Variants in CADM1 observed in about 807,000 individuals in gnomAD.
CADM1 encodes the protein TSLC-1.
A neutral mutation model predicts 53.1 loss-of-function variants in CADM1; 15 were observed. That is an observed-to-expected ratio of 0.28 (90% CI 0.19 to 0.44). CADM1 has a LOEUF of 0.44. Among genes scored for constraint, CADM1 ranks in the 20% least tolerant of loss-of-function variants. CADM1 has a pLI of 1.00. For synonymous variants in CADM1, 281 were observed against 243.0 expected, an observed-to-expected ratio of 1.16 and a Z score of -1.45; for missense variants, 434 against 611.3, an observed-to-expected ratio of 0.71 and a Z score of 3.06.
At chr11:115,389,460 A>G (rs1296823564) in intron 1 of CADM1, among the ~76,000 whole-genome samples, 1 of 152,220 alleles carries the variant, frequency 6.6e-6, no homozygotes, top group Admixed American at 6.5e-5. Context: ...TTGTTTATAA[A>G]AGCAAGCAAC....
chr11:115,362,293 C>T (rs184718037), intron 1 of CADM1, among the ~76,000 whole-genome samples: 1 of 152,174 alleles, frequency 6.6e-6, no homozygotes, highest in Non-Finnish European at 1.5e-5. Context: ...ATTTCCTTTG[C>T]CCTATCTTAT....
At chr11:115,327,074 ATAC>A (rs990092873) in intron 1 of CADM1, among the ~76,000 whole-genome samples, 1 of 152,160 alleles carries the variant, frequency 6.6e-6, no homozygotes, top group African/African-American at 2.4e-5. Context: ...AAAAACATAC[ATAC>A]TATTTTTATA....
At chr11:115,455,905 G>C (rs1449547088) in intron 1 of CADM1, among the ~76,000 whole-genome samples, 1 of 152,182 alleles carries the variant, frequency 6.6e-6, no homozygotes, top group Non-Finnish European at 1.5e-5. Flanking sequence ...GGATCCAGAA[G>C]CAACTCCAGG....
intron 1 of CADM1, among the ~76,000 whole-genome samples, chr11:115,437,132 G>A (rs1948201476): frequency 6.6e-6 from 1 of 152,126 alleles, no homozygotes; most frequent in African/African-American, 2.4e-5. Flanking sequence ...GAACTTACAT[G>A]CTTGGATGAA....
Position 115,229,017 on chromosome 11 carries a change from T to G in CADM1, c.721+96A>C. ...CTAGCAAAAATAAGAATTCTATGTA[T>G]ACTATATAAAATGAATGCATTGAAT... On this transcript the variant is annotated intron_variant, in intron 5 of 11. Coordinates refer to ENST00000331581, the MANE Select transcript of CADM1 (RefSeq NM_001301043.2). 3.6e-6 allele frequency: 4 copies of G among 1,098,440 alleles called. No individual in the cohort carries two copies. In the South Asian group the frequency reaches 5.1e-5, roughly 14 times the overall value. The allele number at this position is 1,098,440 out of a possible 1,614,324, so 68.0% of individuals were successfully genotyped here. A position where few individuals can be genotyped will look rare whatever the true frequency, so the allele number is the denominator to read the frequency against.
intron 1 of CADM1, among the ~76,000 whole-genome samples, chr11:115,369,026 T>TAAAAAAAAAAAAAAAAAAAAAC (rs1946244763): frequency 2.2e-5 from 1 of 44,748 alleles, no homozygotes; most frequent in Non-Finnish European, 4.1e-5. Flanking sequence ...AAAAAAAATC[T>TAAAAAAAAAAAAAAAAAAAAAC]AAAAAAAAAA....
chr11:115,459,104 G>A (rs1948741429), intron 1 of CADM1, among the ~76,000 whole-genome samples: 1 of 152,148 alleles, frequency 6.6e-6, no homozygotes, highest in Non-Finnish European at 1.5e-5. Flanking sequence ...AGAGTACACT[G>A]TGCCAATTAA....
At chr11:115,366,758 G>A (rs963527651) in intron 1 of CADM1, among the ~76,000 whole-genome samples, 7 of 151,850 alleles carry the variant, frequency 4.6e-5, no homozygotes, top group African/African-American at 1.7e-4. Flanking sequence ...GTAACACAGA[G>A]GAAACTGGAA....
chr11:115,342,729 T>A (rs866605085), intron 1 of CADM1, among the ~76,000 whole-genome samples: 2 of 152,154 alleles, frequency 1.3e-5, no homozygotes, highest in Non-Finnish European at 2.9e-5. Flanking sequence ...TTCAAAGATA[T>A]ATCTCACATT....
intron 1 of CADM1, among the ~76,000 whole-genome samples, chr11:115,374,782 A>T (rs1946397583): frequency 5.3e-5 from 8 of 152,208 alleles, no homozygotes; most frequent in Admixed American, 5.2e-4. Context: ...GTGGGCAATT[A>T]TGGGACAAGC....
chr11:115,294,795 G>A (rs763026446), intron 1 of CADM1, among the ~76,000 whole-genome samples: 53 of 152,210 alleles, frequency 3.5e-4, no homozygotes, highest in Non-Finnish European at 7.2e-4. Flanking sequence ...AGCACCTTGG[G>A]AGGAGGAGGT....
intron 1 of CADM1, among the ~76,000 whole-genome samples, chr11:115,292,255 A>AAACTAAAAGTACCTGT (rs1943925280): frequency 6.6e-6 from 1 of 152,250 alleles, no homozygotes; most frequent in African/African-American, 2.4e-5. Context: ...GTTTACATTA[A>AAACTAAAAGTACCTGT]AACTAAAAGT....
At chr11:115,351,669 T>C (rs1421013170) in intron 1 of CADM1, among the ~76,000 whole-genome samples, 2 of 152,114 alleles carry the variant, frequency 1.3e-5, no homozygotes, top group Non-Finnish European at 2.9e-5. Context: ...ATATGTAAAA[T>C]AAATTATTAA....
intron 1 of CADM1, among the ~76,000 whole-genome samples, chr11:115,278,601 G>A (rs967711464): frequency 6.6e-6 from 1 of 152,128 alleles, no homozygotes; most frequent in Non-Finnish European, 1.5e-5. Context: ...GAGTATAGAG[G>A]GAACAGGGTA....
chr11:115,321,716 A>G (rs189984706), intron 1 of CADM1, among the ~76,000 whole-genome samples: 5 of 152,288 alleles, frequency 3.3e-5, no homozygotes, highest in Admixed American at 6.5e-5. Flanking sequence ...CTGTCCTCCA[A>G]GATTTTCTGA....
chr11:115,435,568 A>G (rs536582669), intron 1 of CADM1, among the ~76,000 whole-genome samples: 93 of 152,064 alleles, frequency 6.1e-4, no homozygotes, highest in African/African-American at 2.1e-3. Context: ...CCCCCTCTCT[A>G]CTAAAAATAC....
intron 1 of CADM1, among the ~76,000 whole-genome samples, chr11:115,295,527 TATA>T (rs1425021906): frequency 1.2e-5 from 1 of 83,318 alleles, no homozygotes. Flanking sequence ...TATATATATA[TATA>T]TATATATATA....
chr11:115,395,761 A>T (rs1027480955), intron 1 of CADM1, among the ~76,000 whole-genome samples: 5 of 152,304 alleles, frequency 3.3e-5, no homozygotes, highest in African/African-American at 1.2e-4. Context: ...AGAGGGCAAG[A>T]AAAAAATCCT....
chr11:115,333,488 C>T (rs1945184548), intron 1 of CADM1: 1 of 152,030 alleles, frequency 6.6e-6, no homozygotes. Flanking sequence ...GATCACAATC[C>T]CTTTGGAGAG....
Sources: gnomAD v4.1 joint callset for allele counts (sites outside exome capture counted in the v4.1 genomes callset) on GRCh38, gnomAD v4.1.1 for gene constraint, MANE v1.5 for transcripts, NCBI Gene and HGNC (gene_info 2026-07-23, HGNC 2026-07-21) for gene names.